The following UBE2J2 variants were observed in gnomAD, a reference collection of about 807,000 sequenced individuals.
UBE2J2 encodes the protein ubiquitin-conjugating enzyme E2 J2.
A neutral mutation model predicts 28.6 loss-of-function variants in UBE2J2; 5 were observed. The observed-to-expected ratio is 0.17, with a 90% CI of 0.09 to 0.37. The LOEUF (loss-of-function observed/expected upper bound fraction) is 0.37. Among genes scored for constraint, UBE2J2 ranks in the 10% least tolerant of loss-of-function variants. UBE2J2 has a pLI of 1.00. For synonymous variants in UBE2J2, 138 were observed against 139.7 expected (o/e 0.99, Z 0.09); for missense variants, 226 against 338.9 (o/e 0.67, Z 2.62).
intron 3 of UBE2J2, chr1:1,263,075 C>T (rs946171686): frequency 2.2e-5 from 9 of 416,174 alleles, no homozygotes; most frequent in African/African-American, 1.0e-4. Flanking sequence ...GTGTTTACCC[C>T]GGTCTGGTTT....
chr1:1,266,701 C>A (rs183949929), intron 2 of UBE2J2, among the ~76,000 whole-genome samples: 3 of 151,908 alleles, frequency 2.0e-5, no homozygotes, highest in Admixed American at 6.6e-5. Flanking sequence ...GTGGCAGGCG[C>A]CTGTAGTCCC....
chr1:1,261,652 T>TA (rs961943571), intron 3 of UBE2J2, among the ~76,000 whole-genome samples: 5 of 131,198 alleles, frequency 3.8e-5, no homozygotes, highest in African/African-American at 1.5e-4. Context: ...CCCATTTTGG[T>TA]TTTTTTTTTT....
chr1:1,269,058 G>A (rs1640018525), intron 1 of UBE2J2, among the ~76,000 whole-genome samples: 1 of 152,172 alleles, frequency 6.6e-6, no homozygotes, highest in South Asian at 2.1e-4. Context: ...CCATTGGGAC[G>A]TTCAAGACAG....
chr1:1,261,466 C>T (rs572097292), intron 3 of UBE2J2, among the ~76,000 whole-genome samples: 28 of 152,324 alleles, frequency 1.8e-4, no homozygotes, highest in Non-Finnish European at 3.7e-4. Context: ...CAACTGTGTC[C>T]AGCCCTGTTG....
rs917703930 is a variant in UBE2J2 at position 1,258,028 on chromosome 1, CT to C, written c.173-719del. Among the ~76,000 whole-genome samples, 111 of 151,882 alleles carry C rather than the reference CT, an allele frequency of 7.3e-4. 1 individual carries two copies. Among genetic ancestry groups the C allele is most frequent in the Non-Finnish European group, 1.4e-3 (96 of 67,924 alleles). On this transcript the variant is annotated intron_variant, in intron 3 of 6. Coordinates refer to ENST00000349431, the MANE Select transcript of UBE2J2 (RefSeq NM_058167.3). ...CCTCAGGGTCACCCACACGTTCCCA[CT>C]TTTTTTTGTTTTGTTTTGTTTTTTT...
At chr1:1,272,734 G>A (rs1640221058) in intron 1 of UBE2J2, 1 of 170,984 alleles carries the variant, frequency 5.8e-6, no homozygotes, top group Non-Finnish European at 1.2e-5. Context: ...TCCCTGCCGA[G>A]AGTGGAACTG....
intron 1 of UBE2J2, 28 bp downstream of exon 1, chr1:1,273,638 C>A (rs922622286): frequency 6.6e-6 from 1 of 151,760 alleles, no homozygotes; most frequent in Non-Finnish European, 1.5e-5. Context: ...GGCCCGAGGA[C>A]CCGGCGCAGG....
chr1:1,263,301 T>C, intron 3 of UBE2J2, 45 bp downstream of exon 3: 1 of 1,570,992 alleles, frequency 6.4e-7, no homozygotes, highest in Non-Finnish European at 8.8e-7. Context: ...TGACTGAGAA[T>C]ATAAAAACCG....
intron 3 of UBE2J2, among the ~76,000 whole-genome samples, chr1:1,258,052 T>G (rs111633162): frequency 0.075 from 11,463 of 152,022 alleles, 974 homozygotes; most frequent in African/African-American, 0.21. Context: ...GTTTTGTTTT[T>G]TTTTTGAGAC....
chr1:1,271,802 C>T (rs1557570463), intron 1 of UBE2J2, among the ~76,000 whole-genome samples: 1 of 151,810 alleles, frequency 6.6e-6, no homozygotes. Context: ...TGGTAAAACC[C>T]CGTCTCTACT....
intron 2 of UBE2J2, chr1:1,265,985 C>T: frequency 2.5e-6 from 3 of 1,198,840 alleles, no homozygotes; most frequent in Non-Finnish European, 3.3e-6. Flanking sequence ...CGAACCTGCA[C>T]CGGGACTTGG....
intron 1 of UBE2J2, chr1:1,272,922 C>A (rs1640234349): frequency 6.5e-6 from 1 of 153,034 alleles, no homozygotes; most frequent in African/African-American, 2.4e-5. Flanking sequence ...CACCGACCTG[C>A]CCCAGCCAAG....
chr1:1,263,272 G>T (rs1256048953), intron 3 of UBE2J2, 74 bp downstream of exon 3: 32 of 1,361,492 alleles, frequency 2.4e-5, no homozygotes, highest in Non-Finnish European at 3.2e-5. Flanking sequence ...GCAAATAAAA[G>T]ATGTTGAACA....
At chr1:1,267,276 TCAGCAAGGGGGAGAGTCAC>T (rs367664081) in intron 2 of UBE2J2, among the ~76,000 whole-genome samples, 5,293 of 152,232 alleles carry the variant, frequency 0.035, 111 homozygotes, top group African/African-American at 0.065. Flanking sequence ...ACTCTATACT[TCAGCAAGGGGGAGAGTCAC>T]CATGAGGTGA....
In UBE2J2 at chr1:1,255,383, G is replaced by A. The variant is rs148525729; in HGVS notation, c.600C>T (p.Asn200=). ...VPDGETHLVQ[N]GIQLLNGHAP... is the part of the protein sequence containing the mutation. ...CATGCCCGTTGAGCAGCTGAATCCC[G>A]TTCTGGACGAGGTGCGTCTCCCCGT... The change falls in exon 7 of 7, where the codon AAC becomes AAT. Residue 200 remains asparagine, a synonymous_variant. Transcript: ENST00000349431. 22 of 1,613,880 alleles carry A rather than the reference G, an allele frequency of 1.4e-5. No homozygotes were observed. The highest frequency in any genetic ancestry group is 1.6e-4 in the Middle Eastern group (1 of 6,062).
intron 2 of UBE2J2, among the ~76,000 whole-genome samples, chr1:1,265,463 A>G (rs1377912486): frequency 6.6e-6 from 1 of 152,156 alleles, no homozygotes; most frequent in Admixed American, 6.5e-5. Context: ...TCTCTGCTCA[A>G]CATTCCACAC....
intron 2 of UBE2J2, 66 bp from the exon 3 acceptor site, chr1:1,263,452 C>A (rs1435198719): frequency 6.9e-7 from 1 of 1,454,270 alleles, no homozygotes; most frequent in East Asian, 2.3e-5. Flanking sequence ...TGAATCATTC[C>A]AAGCCTGGGG....
chr1:1,260,101 C>T (rs1392843059), intron 3 of UBE2J2, among the ~76,000 whole-genome samples: 1 of 152,214 alleles, frequency 6.6e-6, no homozygotes, highest in African/African-American at 2.4e-5. Flanking sequence ...CTGCTCAGGG[C>T]TGGCATTCGA....
chr1:1,256,658 G>A (rs879784932), intron 5 of UBE2J2, among the ~76,000 whole-genome samples: 14 of 152,132 alleles, frequency 9.2e-5, no homozygotes, highest in Non-Finnish European at 1.9e-4. Flanking sequence ...CCAGGCGGGC[G>A]GATCACGAGG....
Sources: gnomAD v4.1 joint callset for allele counts (sites outside exome capture counted in the v4.1 genomes callset) on GRCh38, gnomAD v4.1.1 for gene constraint, MANE v1.5 for transcripts, NCBI Gene and HGNC (gene_info 2026-07-23, HGNC 2026-07-21) for gene names.